The following ATP10B variants were observed in gnomAD, a reference collection of about 807,000 sequenced individuals.
ATP10B encodes the protein phospholipid-transporting ATPase VB.
A neutral mutation model predicts 141.2 loss-of-function variants in ATP10B; 122 were observed. That is an observed-to-expected ratio of 0.86 (90% confidence interval 0.75 to 1.00). The LOEUF (loss-of-function observed/expected upper bound fraction) is 1.00. Among genes scored for constraint, ATP10B ranks in the 50% least tolerant of loss-of-function variants. ATP10B has a pLI of 0.00. For synonymous variants in ATP10B, 685 were observed against 692.0 expected, an observed-to-expected ratio of 0.99 and a Z score of 0.16; for missense variants, 1,876 against 1,825.3, an observed-to-expected ratio of 1.03 and a Z score of -0.51.
chr5:160,883,361 T>C, the ATP10B span, among the ~76,000 whole-genome samples: 2 of 152,170 alleles, frequency 1.3e-5, no homozygotes, highest in African/African-American at 4.8e-5. Flanking sequence ...AGAATCACTT[T>C]AACTACAGGG....
chr5:160,735,428 A>C (rs1767040871), intron 2 of ATP10B, among the ~76,000 whole-genome samples: 1 of 152,168 alleles, frequency 6.6e-6, no homozygotes, highest in Admixed American at 6.5e-5. Flanking sequence ...TAAAGGGGTC[A>C]ATTTAGCAGG....
At chr5:160,822,249 G>C (rs943211400) in intron 1 of ATP10B, among the ~76,000 whole-genome samples, 1 of 151,970 alleles carries the variant, frequency 6.6e-6, no homozygotes, top group Non-Finnish European at 1.5e-5. Flanking sequence ...ATGGCAAACA[G>C]GTATATGAAA....
chr5:160,825,493 C>T (rs1363938255), intron 1 of ATP10B, among the ~76,000 whole-genome samples: 3 of 152,204 alleles, frequency 2.0e-5, no homozygotes, highest in Non-Finnish European at 4.4e-5. Flanking sequence ...GAGGCCTCCC[C>T]AGCATGTGGA....
chr5:160,647,279 A>G (rs1760359067), intron 8 of ATP10B, among the ~76,000 whole-genome samples: 1 of 152,204 alleles, frequency 6.6e-6, no homozygotes. Context: ...GCTCAGGAAG[A>G]AGGTGGAGAC....
intron 1 of ATP10B, among the ~76,000 whole-genome samples, chr5:160,816,959 A>G (rs1026576239): frequency 1.3e-5 from 2 of 152,244 alleles, no homozygotes; most frequent in Non-Finnish European, 2.9e-5. Flanking sequence ...ACAGCACTTC[A>G]TGCTAAAAAC....
At chr5:160,886,627 G>A in the ATP10B span, among the ~76,000 whole-genome samples, 109 of 152,254 alleles carry the variant, frequency 7.2e-4, no homozygotes, top group East Asian at 7.7e-4. Context: ...GGATCTAGAC[G>A]CAAGAATTGG....
At chr5:160,855,383 G>A (rs1285702155), upstream of ATP10B, among the ~76,000 whole-genome samples, 3 of 151,636 alleles carry the variant, frequency 2.0e-5, no homozygotes, top group Admixed American at 6.6e-5. Flanking sequence ...GGATAATGAT[G>A]TTGAGTATCT....
intron 20 of ATP10B, 61 bp from the exon 21 acceptor site, chr5:160,602,763 T>C (rs1243902984): frequency 2.5e-6 from 4 of 1,607,444 alleles, no homozygotes; most frequent in East Asian, 2.2e-5. Flanking sequence ...CCAGAGGGAC[T>C]CTCTCAAGGG....
At chr5:160,671,179 A>C (rs1024267619) in intron 6 of ATP10B, among the ~76,000 whole-genome samples, 1 of 150,978 alleles carries the variant, frequency 6.6e-6, no homozygotes, top group Non-Finnish European at 1.5e-5. Flanking sequence ...AAAAAAAAAA[A>C]AAAAAAAAAA....
At chr5:160,844,274 A>G (rs1402805387) in intron 1 of ATP10B, among the ~76,000 whole-genome samples, 2 of 152,188 alleles carry the variant, frequency 1.3e-5, no homozygotes, top group African/African-American at 4.8e-5. Flanking sequence ...ATTCTTCATA[A>G]TTGCCCCAAC....
At chr5:160,608,467 A>C (rs1288988941) in intron 18 of ATP10B, among the ~76,000 whole-genome samples, 1 of 152,128 alleles carries the variant, frequency 6.6e-6, no homozygotes, top group Non-Finnish European at 1.5e-5. Context: ...TCTGGGTCAA[A>C]TGGTATTTCT....
chr5:160,849,983 T>C (rs1219823885), intron 1 of ATP10B, among the ~76,000 whole-genome samples: 1 of 152,086 alleles, frequency 6.6e-6, no homozygotes, highest in Non-Finnish European at 1.5e-5. Flanking sequence ...AAGTTTTACT[T>C]TAAGGAGAGT....
At chr5:160,877,814 A>T in the ATP10B span, among the ~76,000 whole-genome samples, 1 of 125,680 alleles carries the variant, frequency 8.0e-6, no homozygotes, top group African/African-American at 2.6e-5. Context: ...AATACCTAGG[A>T]ATCCAACTTA....
At chr5:160,594,806 T>C (rs1371373666) in intron 22 of ATP10B, among the ~76,000 whole-genome samples, 1 of 152,028 alleles carries the variant, frequency 6.6e-6, no homozygotes, top group African/African-American at 2.4e-5. Flanking sequence ...CATTACATAA[T>C]GGTAAAGGGA....
chr5:160,769,219 C>T (rs182105839), intron 2 of ATP10B, among the ~76,000 whole-genome samples: 5 of 152,288 alleles, frequency 3.3e-5, no homozygotes, highest in Non-Finnish European at 2.9e-5. Context: ...TTCCTAGAGA[C>T]CCAGCTCTCT....
intron 2 of ATP10B, among the ~76,000 whole-genome samples, chr5:160,752,869 T>G (rs535783264): frequency 2.3e-4 from 35 of 152,294 alleles, no homozygotes; most frequent in African/African-American, 7.9e-4. Context: ...GGGACAGCTG[T>G]AGGGATCATG....
chr5:160,913,244 C>T, the ATP10B span, among the ~76,000 whole-genome samples: 1 of 152,214 alleles, frequency 6.6e-6, no homozygotes, highest in Non-Finnish European at 1.5e-5. Context: ...CACTGAACCA[C>T]ACTGTGAAAC....
chr5:160,829,938 T>C (rs1774946939), intron 1 of ATP10B, among the ~76,000 whole-genome samples: 1 of 152,078 alleles, frequency 6.6e-6, no homozygotes, highest in Non-Finnish European at 1.5e-5. Flanking sequence ...TCCGGATGCC[T>C]TTTATTTCTT....
intron 6 of ATP10B, among the ~76,000 whole-genome samples, chr5:160,671,028 G>A (rs553672803): frequency 6.6e-6 from 1 of 151,914 alleles, no homozygotes; most frequent in Non-Finnish European, 1.5e-5. Context: ...AGCTGGGTGT[G>A]GTGGTGCGTG....
Sources: gnomAD v4.1 joint callset for allele counts (sites outside exome capture counted in the v4.1 genomes callset) on GRCh38, gnomAD v4.1.1 for gene constraint, MANE v1.5 for transcripts, NCBI Gene and HGNC (gene_info 2026-07-23, HGNC 2026-07-21) for gene names.